The following LRP5 variants were observed in gnomAD, a reference collection of about 807,000 sequenced individuals.
LRP5 encodes the protein LDL receptor related protein 5, also known as low-density lipoprotein receptor-related protein 5.
A neutral mutation model predicts 154.1 loss-of-function variants in LRP5; 62 were observed. That is an observed-to-expected ratio of 0.40 (90% CI 0.33 to 0.50). The LOEUF (loss-of-function observed/expected upper bound fraction) is 0.50, where lower values mean the gene tolerates loss of function less well. Ranked by LOEUF, LRP5 falls within the 20% of genes least tolerant of loss-of-function variation. The pLI is 0.55. For missense variants in LRP5, 1,915 were observed against 2,336.7 expected (o/e 0.82, Z 3.72); for synonymous variants, 966 against 1,011.5 (o/e 0.96, Z 0.85).
At chr11:68,333,937 C>T (rs574464667) in intron 1 of LRP5, among the ~76,000 whole-genome samples, 28 of 152,248 alleles carry the variant, frequency 1.8e-4, no homozygotes, top group African/African-American at 6.7e-4. Context: ...AATGTTGGTG[C>T]CTGGCATTTA....
chr11:68,439,668 C>T (rs2098677028), intron 20 of LRP5, 109 bp from the exon 21 acceptor site: 1 of 1,209,060 alleles, frequency 8.3e-7, no homozygotes, highest in African/African-American at 1.5e-5. Flanking sequence ...ACACACCGCC[C>T]TGGTCTGAGT....
intron 1 of LRP5, among the ~76,000 whole-genome samples, chr11:68,339,825 A>G (rs529460019): frequency 5.6e-4 from 85 of 152,296 alleles, no homozygotes; most frequent in African/African-American, 2.0e-3. Context: ...ATACATGAGT[A>G]GAGGGGTTCA....
chr11:68,446,177 G>A (rs908931676), intron 21 of LRP5, among the ~76,000 whole-genome samples: 1 of 152,238 alleles, frequency 6.6e-6, no homozygotes, highest in Non-Finnish European at 1.5e-5. Flanking sequence ...CTGGTCACAA[G>A]GCAGGTACTT....
At position 68,423,567 on chromosome 11, in the gene LRP5, C is replaced by T. The variant is rs780281215; in HGVS notation, c.3106C>T (p.Arg1036Trp). The T allele has an allele frequency of 9.9e-6, 16 of 1,614,104 alleles. No homozygotes were observed. Among genetic ancestry groups the T allele is most frequent in the African/African-American group, 2.7e-5 (2 of 74,936 alleles). ...PHDLSIDIYS[R>W]TLFWTCEATN... ...CGACCTCAGCATCGACATCTACAGC[C>T]GGACACTGTTCTGGACGTGCGAGGC... Residue 1036 changes from arginine to tryptophan, a missense_variant, in exon 14 of 23, where the codon CGG (arginine) becomes TGG (tryptophan). Coordinates refer to ENST00000294304, the MANE Select transcript of LRP5 (RefSeq NM_002335.4). This position sits in a 1 kb window ranked among gnomAD's most constrained non-coding sequence, Gnocchi z 4.7.
Position 68,386,782 on chromosome 11 carries a change from G to A in LRP5, c.1412+70G>A, listed in dbSNP as rs1206742846. On this transcript the variant is annotated intron_variant, in intron 6 of 22. Coordinates refer to ENST00000294304, the MANE Select transcript of LRP5 (RefSeq NM_002335.4). The surrounding 1 kb of genome is among the most constrained non-coding windows in gnomAD (Gnocchi z 7.9). ...GCACAGGCGAGAGGGAGATTGACCTGGACCTGTCATTCTGGGACACTGTCT... is the reference window on the plus strand; with the variant it reads ...GCACAGGCGAGAGGGAGATTGACCTAGACCTGTCATTCTGGGACACTGTCT... 6 of 1,515,918 alleles carry A rather than the reference G, an allele frequency of 4.0e-6. No homozygotes were observed. The highest frequency in any genetic ancestry group is 1.9e-4 in the Middle Eastern group (1 of 5,142). 93.9% of individuals were successfully genotyped at this position (1,515,918 alleles called of 1,614,324 possible). A position where few individuals can be genotyped will look rare whatever the true frequency, so the allele number is the denominator to read the frequency against.
chr11:68,350,427 G>A (rs2098617326), intron 2 of LRP5, among the ~76,000 whole-genome samples: 1 of 152,250 alleles, frequency 6.6e-6, no homozygotes, highest in African/African-American at 2.4e-5. Flanking sequence ...CCTCCCTGAA[G>A]TCAGGGCTCT....
At position 68,413,172 on chromosome 11, in the gene LRP5, G is replaced by A. The variant is rs1459637327; in HGVS notation, c.2504-517G>A. On this transcript the variant is annotated intron_variant, in intron 11 of 22. Transcript: ENST00000294304. This position sits in a 1 kb window ranked among gnomAD's most constrained non-coding sequence, Gnocchi z 5.1. ...AGTCACCGCACAGCTGTGGTTGCCT[G>A]AAATGATTAAGCTCATTAATCACCC... is the stretch of plus-strand genomic sequence containing the variant. The A allele has an allele frequency of 4.5e-6, 1 of 222,752 alleles. No homozygotes were observed. Among genetic ancestry groups the A allele is most frequent in the Admixed American group, 5.2e-5 (1 of 19,402 alleles). The allele number at this position is 222,752 out of a possible 1,614,324, so 13.8% of individuals were successfully genotyped here.
intron 22 of LRP5, 127 bp from the exon 23 acceptor site, chr11:68,448,682 A>G: frequency 8.3e-7 from 1 of 1,202,890 alleles, no homozygotes; most frequent in Non-Finnish European, 1.2e-6. Flanking sequence ...GTGGGTCCAG[A>G]GTCCGGCCTG....
At chr11:68,369,848 C>T (rs2098633090) in intron 5 of LRP5, among the ~76,000 whole-genome samples, 1 of 152,158 alleles carries the variant, frequency 6.6e-6, no homozygotes, top group Non-Finnish European at 1.5e-5. Context: ...CCAGGCTACC[C>T]TGGCTTGCAA....
At chr11:68,304,214 T>C in the LRP5 span, among the ~76,000 whole-genome samples, 1 of 152,230 alleles carries the variant, frequency 6.6e-6, no homozygotes. Context: ...AGGACACTGC[T>C]CCCTGCCTGC....
intron 5 of LRP5, among the ~76,000 whole-genome samples, chr11:68,371,469 TG>T (rs1370281035): frequency 6.6e-6 from 1 of 152,206 alleles, no homozygotes; most frequent in African/African-American, 2.4e-5. Flanking sequence ...AGTATCCAAA[TG>T]TCCTGCCCTC....
At chr11:68,431,161 C>A (rs1165652550) in intron 17 of LRP5, among the ~76,000 whole-genome samples, 1 of 151,460 alleles carries the variant, frequency 6.6e-6, no homozygotes, top group African/African-American at 2.4e-5. Flanking sequence ...GCTCAGCGAC[C>A]TTTCTCCCGT....
chr11:68,416,701 AC>A (rs1209945739), intron 13 of LRP5, among the ~76,000 whole-genome samples, 174 bp downstream of exon 13: 1 of 151,702 alleles, frequency 6.6e-6, no homozygotes, highest in Non-Finnish European at 1.5e-5. Context: ...GATGCGTGGA[AC>A]CCCGAGACTG....
intron 1 of LRP5, among the ~76,000 whole-genome samples, chr11:68,327,792 G>C (rs1207434779): frequency 6.6e-6 from 1 of 152,162 alleles, no homozygotes; most frequent in Non-Finnish European, 1.5e-5. Context: ...GTTTCCCCCG[G>C]ACGGAATGTG....
intron 14 of LRP5, 78 bp from the exon 15 acceptor site, chr11:68,425,024 A>G: frequency 1.5e-6 from 2 of 1,365,566 alleles, no homozygotes; most frequent in Non-Finnish European, 2.1e-6. Flanking sequence ...TCCACAGCCC[A>G]GCTGGGTGCC....
chr11:68,331,743 CTGTGTGTGTG>C (rs60278908), intron 1 of LRP5, among the ~76,000 whole-genome samples: 102 of 148,248 alleles, frequency 6.9e-4, no homozygotes, highest in Middle Eastern at 3.4e-3. Flanking sequence ...TTCCTCTGGG[CTGTGTGTGTG>C]TGTGTGTGTG....
chr11:68,413,702 C>G lies in LRP5; in HGVS notation c.2517C>G (p.Val839=). Residue 839 remains valine, a synonymous_variant, in exon 12 of 23, where the codon GTC becomes GTG. Coordinates refer to ENST00000294304, the MANE Select transcript of LRP5 (RefSeq NM_002335.4). The surrounding 1 kb of genome is among the most constrained non-coding windows in gnomAD (Gnocchi z 5.1). ...GTGTTCATGCAGGTCAGGAGCGGGTCGTGATTGCCGACGATCTCCCGCACC... is the reference window on the plus strand; with the variant it reads ...GTGTTCATGCAGGTCAGGAGCGGGTGGTGATTGCCGACGATCTCCCGCACC... ...ESSNMLGQER[V]VIADDLPHPF... The G allele has an allele frequency of 6.2e-7, 1 of 1,613,724 alleles. No homozygotes were observed. The highest frequency in any genetic ancestry group is 2.2e-5 in the East Asian group (1 of 44,886).
intron 18 of LRP5, among the ~76,000 whole-genome samples, chr11:68,435,853 G>A (rs902269317): frequency 6.6e-6 from 1 of 152,160 alleles, no homozygotes; most frequent in Non-Finnish European, 1.5e-5. Context: ...AGCCTCCCGA[G>A]TAGCTGGGAT....
At chr11:68,358,692 G>C (rs980576775) in intron 3 of LRP5, among the ~76,000 whole-genome samples, 1 of 152,214 alleles carries the variant, frequency 6.6e-6, no homozygotes, top group Non-Finnish European at 1.5e-5. Flanking sequence ...GAGTAGGAAG[G>C]GTTTTCCCCT....
Sources: gnomAD v4.1 joint callset for allele counts (sites outside exome capture counted in the v4.1 genomes callset) on GRCh38, gnomAD v4.1.1 for gene constraint, Gnocchi (gnomAD v3.1) non-coding constraint, MANE v1.5 for transcripts, NCBI Gene and HGNC (gene_info 2026-07-23, HGNC 2026-07-21) for gene names.